KIF16B: variants seen among roughly 807,000 people sequenced by gnomAD.
The protein encoded by KIF16B is kinesin-like protein KIF16B.
KIF16B carries 98 observed loss-of-function variants against 156.3 expected under a neutral mutation model. That is an observed-to-expected ratio of 0.63 (90% CI 0.53 to 0.74). KIF16B has a LOEUF of 0.74. Among genes scored for constraint, KIF16B ranks in the 30% least tolerant of loss-of-function variants. The pLI, the probability that KIF16B is intolerant of heterozygous loss-of-function variation, is 0.00. For missense variants in KIF16B, 1,421 were observed against 1,606.5 expected, an observed-to-expected ratio of 0.88 and a Z score of 1.97; for synonymous variants, 564 against 583.7, an observed-to-expected ratio of 0.97 and a Z score of 0.49.
chr20:16,422,471 G>A (rs542258108), intron 15 of KIF16B, among the ~76,000 whole-genome samples: 77 of 152,222 alleles, frequency 5.1e-4, no homozygotes, highest in Non-Finnish European at 1.1e-3. Context: ...CCAGGGCTAT[G>A]GGTGGTGGGA....
intron 1 of KIF16B, among the ~76,000 whole-genome samples, chr20:16,528,652 T>C (rs1212357099): frequency 2.6e-5 from 4 of 152,204 alleles, no homozygotes; most frequent in African/African-American, 7.2e-5. Flanking sequence ...TTATGGCTGA[T>C]ACACAGTGTG....
chr20:16,418,249 T>G (rs369870398), intron 15 of KIF16B, among the ~76,000 whole-genome samples: 18 of 152,180 alleles, frequency 1.2e-4, no homozygotes, highest in African/African-American at 4.1e-4. Context: ...ACCAAGAAAC[T>G]AACTCCAGTA....
intron 12 of KIF16B, among the ~76,000 whole-genome samples, chr20:16,431,402 C>T (rs559953259): frequency 2.1e-4 from 32 of 152,298 alleles, no homozygotes; most frequent in African/African-American, 6.5e-4. Flanking sequence ...TTCTGCCGCT[C>T]TCCCCTTTGC....
intron 22 of KIF16B, among the ~76,000 whole-genome samples, chr20:16,358,147 C>T (rs777814844): frequency 2.6e-5 from 4 of 152,124 alleles, no homozygotes; most frequent in African/African-American, 9.7e-5. Context: ...TGAGATCACG[C>T]CACTGCACTC....
chr20:16,273,239 C>T lies in KIF16B; in HGVS notation c.*14G>A, dbSNP rs200209539. The T allele has an allele frequency of 6.3e-4, 1,016 of 1,612,440 alleles. 2 individuals carry two copies. The highest frequency in any genetic ancestry group is 8.2e-4 in the Non-Finnish European group (966 of 1,178,696). ...GAAGGCACTGCTGTGGTGGTTCCTC[C>T]ATCACCCCTGGCTCTACCCCGTCCC... On this transcript the variant is annotated 3_prime_UTR_variant, in exon 26 of 26. Coordinates refer to ENST00000354981, the MANE Select transcript of KIF16B (RefSeq NM_024704.5).
At chr20:16,511,572 C>T in intron 5 of KIF16B, 45 bp from the exon 6 acceptor site, 1 of 1,260,730 alleles carries the variant, frequency 7.9e-7, no homozygotes, top group South Asian at 1.2e-5. Flanking sequence ...TGATTTCAGA[C>T]ATTAATATCA....
chr20:16,571,795 A>G (rs1018604830), intron 1 of KIF16B, among the ~76,000 whole-genome samples: 6 of 151,942 alleles, frequency 3.9e-5, no homozygotes, highest in African/African-American at 1.5e-4. Context: ...ACGCCCGGCT[A>G]ATTTTTTGTA....
rs796247506 is a variant in KIF16B, at chr20:16,410,015, G to C, written c.1613-3559C>G. ...TATGTAGGTACATATATATATGTAGGTACATATATATATGTAGGTACATAT... is the reference window on the plus strand; with the variant it reads ...TATGTAGGTACATATATATATGTAGCTACATATATATATGTAGGTACATAT... On this transcript the variant is annotated intron_variant, in intron 15 of 25. Coordinates refer to ENST00000354981, the MANE Select transcript of KIF16B (RefSeq NM_024704.5). Among the ~76,000 whole-genome samples the C allele has an allele frequency of 8.7e-4, 71 of 81,258 alleles. 2 individuals are homozygous for C. The highest frequency in any genetic ancestry group is 2.8e-3 in the African/African-American group (48 of 17,182). The allele number at this position is 81,258 out of a possible 152,430, so 53.3% of individuals were successfully genotyped here. A position where few individuals can be genotyped will look rare whatever the true frequency, so the allele number is the denominator to read the frequency against.
chr20:16,411,024 C>T (rs567971803), intron 15 of KIF16B, among the ~76,000 whole-genome samples: 1 of 152,194 alleles, frequency 6.6e-6, no homozygotes, highest in South Asian at 2.1e-4. Flanking sequence ...CACCGATGAC[C>T]TTGACATACT....
chr20:16,350,730 G>A (rs1179537269), intron 23 of KIF16B, among the ~76,000 whole-genome samples: 1 of 152,028 alleles, frequency 6.6e-6, no homozygotes, highest in African/African-American at 2.4e-5. Context: ...GGAGCTGGGT[G>A]GGGGCGGGGG....
rs538487506 is a variant in KIF16B, at chr20:16,573,354, C to G, written c.-79G>C. On this transcript the variant is annotated 5_prime_UTR_variant, in exon 1 of 26. Transcript: ENST00000354981. ...CGCCGGCGACGCTGGCTACTCAGATCGCGGCTCCCGCCCACTTCCCTCTCG... is the reference window on the plus strand; with the variant it reads ...CGCCGGCGACGCTGGCTACTCAGATGGCGGCTCCCGCCCACTTCCCTCTCG... The G allele has an allele frequency of 1.6e-5, 24 of 1,485,446 alleles. No individual in the cohort carries two copies. Among genetic ancestry groups the G allele is most frequent in the Non-Finnish European group, 2.0e-5 (22 of 1,082,850 alleles). 92.0% of individuals were successfully genotyped at this position (1,485,446 alleles called of 1,614,324 possible). A position where few individuals can be genotyped will look rare whatever the true frequency, so the allele number is the denominator to read the frequency against.
intron 3 of KIF16B, among the ~76,000 whole-genome samples, chr20:16,520,743 T>A (rs1016630563): frequency 3.3e-5 from 5 of 152,106 alleles, no homozygotes; most frequent in Non-Finnish European, 7.4e-5. Flanking sequence ...GAGAGACACC[T>A]CCCAGCAGGG....
At chr20:16,372,552 T>C (rs1226820502) in intron 20 of KIF16B, among the ~76,000 whole-genome samples, 3 of 152,218 alleles carry the variant, frequency 2.0e-5, no homozygotes, top group Admixed American at 1.3e-4. Flanking sequence ...TCCACCTCAA[T>C]GTTTTTAGGT....
At chr20:16,514,582 G>GAAAAAAAAAA (rs540602451) in intron 4 of KIF16B, among the ~76,000 whole-genome samples, 16 of 76,892 alleles carry the variant, frequency 2.1e-4, no homozygotes, top group African/African-American at 4.5e-4. Flanking sequence ...TAAGAAATAA[G>GAAAAAAAAAA]AAAAAAAAAA....
intron 1 of KIF16B, among the ~76,000 whole-genome samples, chr20:16,549,051 T>G (rs79748624): frequency 6.6e-6 from 1 of 151,844 alleles, no homozygotes; most frequent in Non-Finnish European, 1.5e-5. Flanking sequence ...GTTTTTTTTT[T>G]AATTATACTT....
At chr20:16,573,175 C>A in intron 1 of KIF16B, 54 bp downstream of exon 1, 1 of 1,496,744 alleles carries the variant, frequency 6.7e-7, no homozygotes, top group South Asian at 1.2e-5. Flanking sequence ...TGGAAACAGG[C>A]TTCCTCTGGG....
intron 22 of KIF16B, among the ~76,000 whole-genome samples, chr20:16,363,383 T>C (rs1010377837): frequency 6.6e-6 from 1 of 152,232 alleles, no homozygotes; most frequent in South Asian, 2.1e-4. Flanking sequence ...CCCGGTACCT[T>C]AATGTTTCCA....
intron 5 of KIF16B, among the ~76,000 whole-genome samples, chr20:16,511,809 C>G (rs2068963287): frequency 6.6e-6 from 1 of 152,076 alleles, no homozygotes. Flanking sequence ...GAACTGGTTT[C>G]ATTATATGTT....
At chr20:16,324,112 C>A (rs2063809414) in intron 24 of KIF16B, among the ~76,000 whole-genome samples, 1 of 151,916 alleles carries the variant, frequency 6.6e-6, no homozygotes, top group Admixed American at 6.6e-5. Context: ...GATGAAGTAA[C>A]TAAAGTGTAT....
Sources: allele counts gnomAD v4.1 joint callset (sites outside exome capture counted in the v4.1 genomes callset), GRCh38; gene constraint gnomAD v4.1.1; transcripts MANE v1.5; gene names NCBI Gene and HGNC (gene_info 2026-07-23, HGNC 2026-07-21).